The following GRM7 variants were observed in gnomAD, a reference collection of about 807,000 sequenced individuals.
The protein encoded by GRM7 is glutamate metabotropic receptor 7.
In GRM7, 35 loss-of-function variants were observed where a neutral mutation model predicts 84.5. The observed-to-expected ratio is 0.41, with a 90% CI of 0.32 to 0.55. GRM7 has a LOEUF of 0.55. Among genes scored for constraint, GRM7 ranks in the 20% least tolerant of loss-of-function variants. The pLI, the probability that GRM7 is intolerant of heterozygous loss-of-function variation, is 0.19. For missense variants in GRM7, 1,003 were observed against 1,194.6 expected (o/e 0.84, Z 2.36); for synonymous variants, 487 against 455.1 (o/e 1.07, Z -0.89).
intron 2 of GRM7, among the ~76,000 whole-genome samples, chr3:7,280,630 C>T (rs1040804768): frequency 4.6e-5 from 7 of 152,168 alleles, no homozygotes; most frequent in African/African-American, 1.7e-4. Flanking sequence ...TGATACAAAG[C>T]CCAGTAGCGC....
intron 2 of GRM7, among the ~76,000 whole-genome samples, chr3:7,293,632 CCG>C (rs1699714771): frequency 5.3e-5 from 8 of 152,268 alleles, no homozygotes; most frequent in Admixed American, 2.6e-4. Flanking sequence ...ATTAGATTTT[CCG>C]TGTGTCAGAG....
chr3:7,443,223 C>T (rs1362501837), intron 5 of GRM7, among the ~76,000 whole-genome samples: 1 of 152,116 alleles, frequency 6.6e-6, no homozygotes, highest in Admixed American at 6.6e-5. Flanking sequence ...TTTATTTTTA[C>T]AGATACCCTA....
chr3:7,687,993 G>T (rs915285779), intron 9 of GRM7, among the ~76,000 whole-genome samples: 13 of 152,084 alleles, frequency 8.5e-5, no homozygotes, highest in Admixed American at 2.0e-4. Flanking sequence ...ATTCCCGTGA[G>T]ATTTCAAGTT....
chr3:7,251,219 C>G (rs1201543398), intron 2 of GRM7, among the ~76,000 whole-genome samples: 2 of 151,660 alleles, frequency 1.3e-5, no homozygotes, highest in African/African-American at 4.9e-5. Flanking sequence ...TGCAGTTCAA[C>G]AAGTGGTCCT....
intron 2 of GRM7, among the ~76,000 whole-genome samples, chr3:7,292,865 C>T (rs575426378): frequency 5.9e-5 from 9 of 151,848 alleles, no homozygotes; most frequent in South Asian, 2.1e-4. Context: ...AACCCCCCAT[C>T]TCTACTAAAA....
chr3:6,948,852 G>T (rs1389214070), intron 1 of GRM7, among the ~76,000 whole-genome samples: 1 of 152,156 alleles, frequency 6.6e-6, no homozygotes, highest in Non-Finnish European at 1.5e-5. Context: ...TTTAAAGTCT[G>T]TTTTATCCAA....
At chr3:7,067,052 G>A (rs1479034355) in intron 1 of GRM7, among the ~76,000 whole-genome samples, 3 of 151,756 alleles carry the variant, frequency 2.0e-5, no homozygotes, top group Admixed American at 6.6e-5. Context: ...GTGACAAACC[G>A]ACAGCCAACA....
At chr3:7,212,804 C>A (rs1168210870) in intron 2 of GRM7, among the ~76,000 whole-genome samples, 1 of 152,152 alleles carries the variant, frequency 6.6e-6, no homozygotes, top group African/African-American at 2.4e-5. Context: ...TATTGTTCAA[C>A]AATTCAACAA....
chr3:7,201,264 T>A (rs375805570), intron 2 of GRM7, among the ~76,000 whole-genome samples: 10 of 152,290 alleles, frequency 6.6e-5, no homozygotes, highest in East Asian at 1.9e-4. Context: ...GGGAGGAAAC[T>A]GTGTCGTTTA....
At chr3:7,075,314 G>A (rs746370699) in intron 1 of GRM7, among the ~76,000 whole-genome samples, 1 of 152,194 alleles carries the variant, frequency 6.6e-6, no homozygotes, top group African/African-American at 2.4e-5. Context: ...GCTGCTGCCT[G>A]AAGCTTGCAG....
At chr3:7,521,084 T>C (rs1256852532) in intron 7 of GRM7, among the ~76,000 whole-genome samples, 1 of 152,194 alleles carries the variant, frequency 6.6e-6, no homozygotes, top group South Asian at 2.1e-4. Context: ...CTGCAGTGCA[T>C]AGAAGTATCA....
chr3:7,226,273 G>C (rs1014266388), intron 2 of GRM7, among the ~76,000 whole-genome samples: 1 of 152,176 alleles, frequency 6.6e-6, no homozygotes, highest in East Asian at 1.9e-4. Flanking sequence ...CATGGTGTCA[G>C]CCTGGCTGGG....
chr3:7,090,326 C>T (rs1395175404), intron 1 of GRM7, among the ~76,000 whole-genome samples: 7 of 151,848 alleles, frequency 4.6e-5, no homozygotes, highest in African/African-American at 1.7e-4. Flanking sequence ...TGAGGAAGCA[C>T]CTTTCTGGAG....
chr3:7,685,671 G>C (rs188856912), intron 9 of GRM7, among the ~76,000 whole-genome samples: 95 of 151,970 alleles, frequency 6.3e-4, no homozygotes, highest in Middle Eastern at 3.4e-3. Flanking sequence ...TGTTTTTCTT[G>C]TGCTACCATA....
intron 8 of GRM7, among the ~76,000 whole-genome samples, chr3:7,661,051 A>G (rs996261627): frequency 2.0e-5 from 3 of 152,248 alleles, no homozygotes; most frequent in Admixed American, 2.0e-4. Flanking sequence ...GGGTTAGGCA[A>G]ATATTTCTTA....
rs1697382025 is a variant in GRM7 at position 6,928,257 on chromosome 3, CCAGGTA to C, written c.519+66352_519+66357del. ...TAGTTGCTCAATACCACTCTCTTTC[CCAGGTA>C]CTAAAAAATGCAGTTGTAATGACTT... On this transcript the variant is annotated intron_variant, in intron 1 of 9. Transcript: ENST00000357716. This position sits in a 1 kb window ranked among gnomAD's most constrained non-coding sequence, Gnocchi z 4.5. Among the ~76,000 whole-genome samples, 1 of 152,014 alleles carries C rather than the reference CCAGGTA, an allele frequency of 6.6e-6. No individual in the cohort carries two copies. Among genetic ancestry groups the C allele is most frequent in the Non-Finnish European group, 1.5e-5 (1 of 68,020 alleles).
intron 4 of GRM7, among the ~76,000 whole-genome samples, chr3:7,381,721 A>G (rs536845250): frequency 7.9e-5 from 12 of 152,306 alleles, no homozygotes; most frequent in African/African-American, 2.6e-4. Context: ...AATGTAAATA[A>G]CGTGCTTAGC....
chr3:7,325,884 A>G (rs1395838324), intron 4 of GRM7, among the ~76,000 whole-genome samples: 1 of 152,164 alleles, frequency 6.6e-6, no homozygotes, highest in African/African-American at 2.4e-5. Context: ...CTCTCTCTCG[A>G]CAATGAAGAA....
intron 4 of GRM7, among the ~76,000 whole-genome samples, chr3:7,355,163 T>G (rs555516206): frequency 1.9e-3 from 287 of 152,302 alleles, no homozygotes; most frequent in Non-Finnish European, 3.2e-3. Context: ...GTGTGGAGCC[T>G]GCCTAGATAT....
Sources: allele counts gnomAD v4.1 joint callset (sites outside exome capture counted in the v4.1 genomes callset), GRCh38; gene constraint gnomAD v4.1.1; non-coding constraint Gnocchi (gnomAD v3.1); transcripts MANE v1.5; gene names NCBI Gene and HGNC (gene_info 2026-07-23, HGNC 2026-07-21).